The following COL14A1 variants were observed in gnomAD, a reference collection of about 807,000 sequenced individuals.
The protein encoded by COL14A1 is collagen type XIV alpha 1 chain.
In COL14A1, 136 loss-of-function variants were observed where a neutral mutation model predicts 230.3. That is an observed-to-expected ratio of 0.59 (90% CI 0.51 to 0.68). The LOEUF is 0.68. Among genes scored for constraint, COL14A1 ranks in the 30% least tolerant of loss-of-function variants. COL14A1 has a pLI of 0.00. For missense variants in COL14A1, 1,976 were observed against 2,215.8 expected (o/e 0.89, Z 2.17); for synonymous variants, 792 against 784.1 (o/e 1.01, Z -0.17).
chr8:120,309,167 C>T (rs1325886789), intron 36 of COL14A1, among the ~76,000 whole-genome samples: 1 of 152,104 alleles, frequency 6.6e-6, no homozygotes, highest in African/African-American at 2.4e-5. Flanking sequence ...GATCTCCTGA[C>T]CTCGTGATCC....
At chr8:120,204,326 C>T (rs569795267) in intron 9 of COL14A1, among the ~76,000 whole-genome samples, 4 of 152,284 alleles carry the variant, frequency 2.6e-5, no homozygotes, top group African/African-American at 9.6e-5. Flanking sequence ...GCCACACTCA[C>T]TTATATCCCT....
At chr8:120,280,555 A>G (rs1485497494) in intron 29 of COL14A1, among the ~76,000 whole-genome samples, 156 bp from the exon 30 acceptor site, 1 of 152,202 alleles carries the variant, frequency 6.6e-6, no homozygotes, top group African/African-American at 2.4e-5. Context: ...TTCAATCTTC[A>G]TGAAACCACA....
chr8:120,230,159 G>T (rs1010598284), intron 18 of COL14A1, among the ~76,000 whole-genome samples: 8 of 152,166 alleles, frequency 5.3e-5, no homozygotes, highest in African/African-American at 1.9e-4. Flanking sequence ...TGGAATTGCA[G>T]GCATGAGCCA....
At chr8:120,338,098 A>T (rs1183839578) in intron 42 of COL14A1, among the ~76,000 whole-genome samples, 3 of 152,206 alleles carry the variant, frequency 2.0e-5, no homozygotes, top group Non-Finnish European at 1.5e-5. Context: ...AGACATTTTC[A>T]AACAAGCCAG....
chr8:120,181,092 A>G (rs1816450460), intron 5 of COL14A1, among the ~76,000 whole-genome samples: 1 of 152,190 alleles, frequency 6.6e-6, no homozygotes, highest in Admixed American at 6.5e-5. Context: ...TCTCTGATCC[A>G]ATTGCGGTGA....
chr8:120,281,606 C>G (rs972510926), intron 31 of COL14A1, among the ~76,000 whole-genome samples: 48 of 151,778 alleles, frequency 3.2e-4, no homozygotes, highest in Non-Finnish European at 6.0e-4. Flanking sequence ...TAGCACTACT[C>G]CCAGCCATCT....
chr8:120,237,317 A>AT (rs367722119), intron 19 of COL14A1, among the ~76,000 whole-genome samples: 1 of 151,608 alleles, frequency 6.6e-6, no homozygotes, highest in Admixed American at 6.6e-5. Context: ...CCTTTTCATT[A>AT]TTTTTTCTCT....
chr8:120,192,834 G>A (rs998241355), intron 5 of COL14A1, among the ~76,000 whole-genome samples: 19 of 152,012 alleles, frequency 1.2e-4, no homozygotes, highest in African/African-American at 3.4e-4. Context: ...CCAGTTGATC[G>A]CATTGGCTCC....
intron 40 of COL14A1, among the ~76,000 whole-genome samples, chr8:120,316,689 C>T (rs1034520269): frequency 1.3e-5 from 2 of 151,986 alleles, no homozygotes; most frequent in South Asian, 4.1e-4. Context: ...TGGAAGAAGA[C>T]TTCTCAGAGG....
intron 19 of COL14A1, among the ~76,000 whole-genome samples, chr8:120,239,838 T>C (rs1818560087): frequency 1.0e-5 from 1 of 96,278 alleles, no homozygotes; most frequent in Non-Finnish European, 1.9e-5. Flanking sequence ...TTTTGTTTTT[T>C]TTTTGTTTGT....
chr8:120,213,197 C>A (rs1817660898), intron 13 of COL14A1, among the ~76,000 whole-genome samples: 1 of 151,952 alleles, frequency 6.6e-6, no homozygotes, highest in Non-Finnish European at 1.5e-5. Flanking sequence ...GTAGGGAATT[C>A]CTAGAACTTT....
At chr8:120,325,004 A>C (rs1821609798) in intron 40 of COL14A1, among the ~76,000 whole-genome samples, 1 of 152,212 alleles carries the variant, frequency 6.6e-6, no homozygotes, top group South Asian at 2.1e-4. Context: ...TAGTATGGAA[A>C]AGAAAACTGC....
chr8:120,179,445 A>T (rs7842537), intron 5 of COL14A1, among the ~76,000 whole-genome samples: 2 of 151,948 alleles, frequency 1.3e-5, no homozygotes, highest in Non-Finnish European at 2.9e-5. Context: ...CACAATTGCT[A>T]CAAAGAGAAT....
intron 8 of COL14A1, 129 bp downstream of exon 8, chr8:120,199,695 C>G: frequency 1.1e-6 from 1 of 874,278 alleles, no homozygotes; most frequent in Non-Finnish European, 1.7e-6. Flanking sequence ...TGGCACTTGT[C>G]ATAGGCAGCC....
At chr8:120,127,561 G>T (rs770805381) in intron 1 of COL14A1, among the ~76,000 whole-genome samples, 3 of 152,192 alleles carry the variant, frequency 2.0e-5, no homozygotes, top group African/African-American at 7.2e-5. Flanking sequence ...TGATTTTTCA[G>T]AATCAGCCAG....
chr8:120,314,172 G>A, intron 38 of COL14A1, 145 bp downstream of exon 38: 3 of 578,636 alleles, frequency 5.2e-6, no homozygotes, highest in Admixed American at 7.3e-5. Context: ...CACTAGTTGT[G>A]CCCTTAGCCA....
chr8:120,255,167 A>C, intron 22 of COL14A1, 73 bp from the exon 23 acceptor site: 1 of 1,230,414 alleles, frequency 8.1e-7, no homozygotes, highest in Non-Finnish European at 1.2e-6. Context: ...TTTTTCCAGA[A>C]GTTAATTTCA....
rs141272095 is a variant in COL14A1 at position 120,255,342 on chromosome 8, T to C, written c.2855T>C (p.Ile952Thr). 5.1e-4 allele frequency: 821 copies of C among 1,612,580 alleles called. 5 individuals are homozygous for C. The highest frequency in any genetic ancestry group is 4.0e-4 in the Admixed American group (24 of 60,002). ...CATGCCACAGCCTATAGGGTTGTTATAGAATCCCTCCAGGGTGAGTACAAT... is the reference window on the plus strand; with the variant it reads ...CATGCCACAGCCTATAGGGTTGTTACAGAATCCCTCCAGGGTGAGTACAAT... ...HRHATAYRVV[I>T]ESLQDRQKQE... Residue 952 changes from isoleucine to threonine, a missense_variant, in exon 23 of 48, where the codon ATA becomes ACA. Ile to Thr is a moderately conservative substitution (Grantham distance 89). Coordinates refer to ENST00000297848, the MANE Select transcript of COL14A1 (RefSeq NM_021110.4).
intron 2 of COL14A1, among the ~76,000 whole-genome samples, chr8:120,153,000 A>G (rs1256197502): frequency 6.6e-6 from 1 of 152,228 alleles, no homozygotes; most frequent in Non-Finnish European, 1.5e-5. Context: ...TATTTTCCTT[A>G]CAGCTGTTTT....
Sources: gnomAD v4.1 joint callset for allele counts (sites outside exome capture counted in the v4.1 genomes callset) on GRCh38, gnomAD v4.1.1 for gene constraint, MANE v1.5 for transcripts, NCBI Gene and HGNC (gene_info 2026-07-23, HGNC 2026-07-21) for gene names.